MYBPC3: variants seen among roughly 807,000 people sequenced by gnomAD.
The protein encoded by MYBPC3 is myosin-binding protein C, cardiac-type.
In MYBPC3, 108 loss-of-function variants were observed where a neutral mutation model predicts 159.3. That is an observed-to-expected ratio of 0.68 (90% CI 0.58 to 0.80). The LOEUF is 0.80. MYBPC3 is among the 30% of genes least tolerant of loss of function. The pLI, the probability that MYBPC3 is intolerant of heterozygous loss-of-function variation, is 0.00. For synonymous variants in MYBPC3, 730 were observed against 702.0 expected (o/e 1.04, Z -0.63); for missense variants, 1,631 against 1,762.1 (o/e 0.93, Z 1.33).
rs377225516 is a variant in MYBPC3, at chr11:47,351,347, T to G, written c.184A>C (p.Thr62Pro). 375 of 1,601,734 alleles carry G rather than the reference T, an allele frequency of 2.3e-4. No homozygotes were observed. Among genetic ancestry groups the G allele is most frequent in the Non-Finnish European group, 3.0e-4 (352 of 1,174,618 alleles). Residue 62 changes from threonine (T) to proline (P), a missense_variant, in exon 2 of 35, where the codon ACA (threonine) becomes CCA (proline). Transcript: ENST00000545968. This position sits in a 1 kb window ranked among gnomAD's most constrained non-coding sequence, Gnocchi z 4.2. ...TCCCGCACTGTCAGCGTATGCCGTGTGCCCTCTGTGGCCAGGCCGTACTTG... is the reference window on the plus strand; with the variant it reads ...TCCCGCACTGTCAGCGTATGCCGTGGGCCCTCTGTGGCCAGGCCGTACTTG... Reference protein sequence around the residue: ...SNKYGLATEGTRHTLTVREVG... With the variant: ...SNKYGLATEGPRHTLTVREVG...
rs36211723 is a variant in MYBPC3, at chr11:47,338,520, C to T, written c.2308G>A (p.Asp770Asn). ...CAGCTTGGACCCCGGCCGGCCTCAC[C>T]GATGACCTTGACTGTGAGGTTGACC... ...DQVNLTVKVI[D>N]VPDAPAAPKI... Residue 770 changes from aspartate to asparagine, a missense_variant and splice_region_variant, in exon 23 of 35, where the codon GAC becomes AAC. Asp to Asn is a conservative substitution (Grantham distance 23). Coordinates refer to ENST00000545968, the MANE Select transcript of MYBPC3 (RefSeq NM_000256.3). The surrounding 1 kb of genome is among the most constrained non-coding windows in gnomAD (Gnocchi z 4.7). 6.2e-6 allele frequency: 10 copies of T among 1,614,020 alleles called. No individual in the cohort carries two copies. The highest frequency in any genetic ancestry group is 5.0e-5 in the Admixed American group (3 of 60,032).
chr11:47,351,613 C>G lies in MYBPC3; in HGVS notation c.26-108G>C. 1.6e-6 allele frequency: 2 copies of G among 1,229,164 alleles called. No homozygotes were observed. Among genetic ancestry groups the G allele is most frequent in the Non-Finnish European group, 1.1e-6 (1 of 914,118 alleles). 76.1% of individuals were successfully genotyped at this position (1,229,164 alleles called of 1,614,324 possible). The stretch of plus-strand genomic sequence containing the variant: ...CTAGCACTTTCTATGCATCCCCTCA[C>G]GTAATACTCTACCAGTTCTCTGAGG... On this transcript the variant is annotated intron_variant, in intron 1 of 34. Transcript: ENST00000545968. The surrounding 1 kb of genome is among the most constrained non-coding windows in gnomAD (Gnocchi z 4.2).
intron 12 of MYBPC3, 115 bp from the exon 13 acceptor site, chr11:47,343,739 GC>G (rs2095891660): frequency 1.3e-5 from 13 of 1,010,458 alleles, no homozygotes; most frequent in Non-Finnish European, 1.8e-5. Context: ...CCTCTGTGCC[GC>G]CCCGCTTCCA....
chr11:47,343,402 G>C, intron 13 of MYBPC3, 90 bp downstream of exon 13: 1 of 1,496,114 alleles, frequency 6.7e-7, no homozygotes. Flanking sequence ...GCCACACCGA[G>C]TCAGAGATAC....
chr11:47,345,254 T>C (rs898157159), intron 12 of MYBPC3, among the ~76,000 whole-genome samples: 7 of 152,190 alleles, frequency 4.6e-5, no homozygotes, highest in African/African-American at 1.2e-4. Context: ...CAGAGGAACA[T>C]TGGTGGCATT....
chr11:47,350,678 C>G, intron 2 of MYBPC3, 63 bp from the exon 3 acceptor site: 2 of 1,411,490 alleles, frequency 1.4e-6, no homozygotes, highest in African/African-American at 1.5e-5. Context: ...CACCCTCTCT[C>G]TCCTGAGCAT....
intron 20 of MYBPC3, among the ~76,000 whole-genome samples, chr11:47,340,682 A>T (rs2095887587): frequency 6.6e-6 from 1 of 151,562 alleles, no homozygotes; most frequent in South Asian, 2.1e-4. Context: ...AAATAAAAAT[A>T]AAAAAAAAGG....
chr11:47,346,609 G>A lies in MYBPC3; in HGVS notation c.926+18C>T. The stretch of plus-strand genomic sequence containing the variant: ...GAATTAGGGGTGATGAGGGTGCTGT[G>A]CTATGTTGGGCACTCACCTCGGGGT... On this transcript the variant is annotated intron_variant, in intron 11 of 34. Transcript: ENST00000545968. The surrounding 1 kb of genome is among the most constrained non-coding windows in gnomAD (Gnocchi z 5.3). 2 of 1,581,380 alleles carry A rather than the reference G, an allele frequency of 1.3e-6. No individual in the cohort carries two copies. Among genetic ancestry groups the A allele is most frequent in the Middle Eastern group, 1.7e-4 (1 of 5,872 alleles).
intron 12 of MYBPC3, among the ~76,000 whole-genome samples, chr11:47,344,685 G>A (rs571933986): frequency 3.0e-4 from 45 of 152,286 alleles, no homozygotes; most frequent in South Asian, 4.1e-4. Flanking sequence ...TCTGTGCCTC[G>A]GTTTCCTCAG....
At chr11:47,343,449 T>C (rs1339353691) in intron 13 of MYBPC3, 43 bp downstream of exon 13, 9 of 1,541,964 alleles carry the variant, frequency 5.8e-6, no homozygotes, top group Non-Finnish European at 7.9e-6. Flanking sequence ...GCTATGGGGG[T>C]CCCCACCTCC....
intron 25 of MYBPC3, 91 bp downstream of exon 25, chr11:47,337,300 T>C: frequency 7.3e-7 from 1 of 1,360,918 alleles, no homozygotes; most frequent in East Asian, 2.3e-5. Flanking sequence ...GATGTGAGTG[T>C]CTAGCATGGC....
At position 47,351,180 on chromosome 11, in the gene MYBPC3, C is replaced by T. The variant is rs147154276; in HGVS notation, c.292+59G>A. ...CCTGTTCCCTGGATGGATGGAGAGT[C>T]GCTGGGCTGCCCCTCCCCCAGCAGC... is the stretch of plus-strand genomic sequence containing the variant. On this transcript the variant is annotated intron_variant, in intron 2 of 34. Transcript: ENST00000545968. This position sits in a 1 kb window ranked among gnomAD's most constrained non-coding sequence, Gnocchi z 4.2. 111 of 1,450,162 alleles carry T rather than the reference C, an allele frequency of 7.7e-5. 2 individuals are homozygous for T. The South Asian group carries it at 1.4e-3, about 18-fold the overall frequency. 89.8% of individuals were successfully genotyped at this position (1,450,162 alleles called of 1,614,324 possible). A position where few individuals can be genotyped will look rare whatever the true frequency, so the allele number is the denominator to read the frequency against.
intron 12 of MYBPC3, among the ~76,000 whole-genome samples, chr11:47,344,797 C>G (rs1177685047): frequency 6.6e-6 from 1 of 152,174 alleles, no homozygotes; most frequent in Admixed American, 6.5e-5. Flanking sequence ...AAGGAACTCA[C>G]TCACTTTTTT....
In MYBPC3 at chr11:47,332,603, G is replaced by A; in HGVS notation, c.3590C>T (p.Thr1197Ile). Residue 1197 changes from threonine to isoleucine, a missense_variant, in exon 32 of 35, where the codon ACT (threonine) becomes ATT (isoleucine). By Grantham distance (89) the Thr-to-Ile change is moderately conservative (BLOSUM62 -1). Transcript: ENST00000545968. The surrounding 1 kb of genome is among the most constrained non-coding windows in gnomAD (Gnocchi z 4.2). ...LVNRSVIAGY[T>I]AMLCCAVRGS... is the part of the protein sequence containing the mutation. ...CCGGACAGCACAGCAGAGCATAGCA[G>A]TGTAGCCCGCGATGACCGAGCGGTT... The A allele has an allele frequency of 6.2e-7, 1 of 1,613,922 alleles. No individual in the cohort carries two copies. Among genetic ancestry groups the A allele is most frequent in the Non-Finnish European group, 8.5e-7 (1 of 1,179,872 alleles).
chr11:47,342,236 A>G (rs2095889447), intron 17 of MYBPC3, 80 bp from the exon 18 acceptor site: 2 of 1,525,716 alleles, frequency 1.3e-6, no homozygotes, highest in Admixed American at 1.9e-5. Flanking sequence ...GTGTGGGCCC[A>G]TGGGCGCTGG....
chr11:47,349,811 T>C lies in MYBPC3; in HGVS notation c.617A>G (p.His206Arg). The change falls in exon 5 of 35, where the codon CAC (histidine) becomes CGC (arginine). Residue 206 changes from histidine (H) to arginine (R), a missense_variant. Coordinates refer to ENST00000545968, the MANE Select transcript of MYBPC3 (RefSeq NM_000256.3). ...WVDLSSKVGQ[H>R]LQLHDSYDRA... ...GTCGTAGCTGTCGTGCAGCTGCAGG[T>C]GCTGGCCCACCTTGCTGCTCAGGTC... The C allele has an allele frequency of 1.9e-6, 3 of 1,610,064 alleles. No individual in the cohort carries two copies. Among genetic ancestry groups the C allele is most frequent in the Non-Finnish European group, 2.5e-6 (3 of 1,179,684 alleles).
chr11:47,335,729 C>T, intron 26 of MYBPC3, 148 bp downstream of exon 26: 1 of 670,026 alleles, frequency 1.5e-6, no homozygotes, highest in Non-Finnish European at 2.3e-6. Flanking sequence ...AGCTTTTTTA[C>T]TTCTGAAAAC....
Position 47,332,605 on chromosome 11 carries a change from G to A in MYBPC3, c.3588C>T (p.Tyr1196=), listed in dbSNP as rs1263496800. Reference sequence around the variant, plus strand: ...GGACAGCACAGCAGAGCATAGCAGTGTAGCCCGCGATGACCGAGCGGTTCA... The same window carrying A: ...GGACAGCACAGCAGAGCATAGCAGTATAGCCCGCGATGACCGAGCGGTTCA... ...PLVNRSVIAG[Y]TAMLCCAVRG... Residue 1196 remains tyrosine, a synonymous_variant, in exon 32 of 35, where the codon TAC becomes TAT. Transcript: ENST00000545968. This position sits in a 1 kb window ranked among gnomAD's most constrained non-coding sequence, Gnocchi z 4.2. The A allele has an allele frequency of 1.2e-6, 2 of 1,613,928 alleles. No individual in the cohort carries two copies. Among genetic ancestry groups the A allele is most frequent in the Admixed American group, 3.3e-5 (2 of 60,022 alleles).
In MYBPC3 at chr11:47,339,426, A is replaced by C. The variant is rs545714322; in HGVS notation, c.2068-22T>G. ...TCCCCTGGGAACAGGGCAGGAGGGAAGTAGGGAGCAGAGGAGCTGACTCAG... is the reference window on the plus strand; with the variant it reads ...TCCCCTGGGAACAGGGCAGGAGGGACGTAGGGAGCAGAGGAGCTGACTCAG... On this transcript the variant is annotated intron_variant, in intron 21 of 34. Transcript: ENST00000545968. The C allele has an allele frequency of 6.2e-6, 10 of 1,611,706 alleles. No homozygotes were observed. The South Asian group carries it at 1.1e-4, about 18-fold the overall frequency.
Sources: gnomAD v4.1 joint callset for allele counts (sites outside exome capture counted in the v4.1 genomes callset) on GRCh38, gnomAD v4.1.1 for gene constraint, Gnocchi (gnomAD v3.1) non-coding constraint, MANE v1.5 for transcripts, NCBI Gene and HGNC (gene_info 2026-07-23, HGNC 2026-07-21) for gene names.